HOXA3: variants seen among roughly 807,000 people sequenced by gnomAD.
The protein encoded by HOXA3 is homeobox protein Hox-A3.
Under a neutral mutation model 30.3 loss-of-function variants are expected in HOXA3, and 8 were observed. The observed-to-expected ratio is 0.26, with a 90% CI of 0.15 to 0.48. HOXA3 has a LOEUF of 0.48. Ranked by LOEUF, HOXA3 falls within the 20% of genes least tolerant of loss-of-function variation. The pLI is 0.99. For missense variants in HOXA3, 653 were observed against 614.4 expected (o/e 1.06, Z -0.66); for synonymous variants, 323 against 273.1 (o/e 1.18, Z -1.80).
chr7:27,146,000 C>A, intron 1 of HOXA3: 1 of 1,500,372 alleles, frequency 6.7e-7, no homozygotes, highest in Admixed American at 2.1e-5. Context: ...ACAAGAGGCA[C>A]CCAGACTAGA....
At position 27,108,032 on chromosome 7, in the gene HOXA3, G is replaced by A. The variant is rs565412992; in HGVS notation, c.1215C>T (p.Gly405=). 13 of 1,612,818 alleles carry A rather than the reference G, an allele frequency of 8.1e-6. No individual in the cohort carries two copies. The East Asian group carries it at 2.7e-4, about 33-fold the overall frequency. ...AMDYGGAGPL[G]SGHHHGPGPG... is the part of the protein sequence containing the mutation. Reference sequence around the variant, plus strand: ...GCCCCGGCCCGTGGTGGTGGCCGCTGCCCAGCGGCCCGGCACCCCCATAGT... The same window carrying A: ...GCCCCGGCCCGTGGTGGTGGCCGCTACCCAGCGGCCCGGCACCCCCATAGT... Residue 405 remains glycine (G), a synonymous_variant, in exon 6 of 6, where the codon GGC becomes GGT. Coordinates refer to ENST00000612286, the MANE Select transcript of HOXA3 (RefSeq NM_153631.3). The surrounding 1 kb of genome is among the most constrained non-coding windows in gnomAD (Gnocchi z 5.0).
chr7:27,145,714 GC>G, intron 1 of HOXA3: 1 of 1,614,220 alleles, frequency 6.2e-7, no homozygotes, highest in Admixed American at 1.7e-5. Context: ...GAATTGATGA[GC>G]TTGTTTTCCT....
chr7:27,142,237 C>CT (rs1346760392), intron 1 of HOXA3: 1 of 777,370 alleles, frequency 1.3e-6, no homozygotes, highest in Admixed American at 2.9e-5. Flanking sequence ...TTCCTTCTCT[C>CT]TTCCTTTCTA....
chr7:27,139,604 G>T (rs1264076276), intron 2 of HOXA3, among the ~76,000 whole-genome samples: 1 of 152,176 alleles, frequency 6.6e-6, no homozygotes, highest in Admixed American at 6.5e-5. Context: ...CCCTGCCCCG[G>T]CCTTTCTTTC....
intron 4 of HOXA3, among the ~76,000 whole-genome samples, chr7:27,114,912 G>A (rs1006586791): frequency 4.7e-5 from 5 of 107,144 alleles, no homozygotes; most frequent in Non-Finnish European, 9.9e-5. Context: ...TAGTGGGATG[G>A]AGTAACGCTG....
chr7:27,145,416 C>A (rs1007628772), intron 1 of HOXA3: 1 of 608,848 alleles, frequency 1.6e-6, no homozygotes, highest in Non-Finnish European at 2.8e-6. Context: ...CAGTGCGCCC[C>A]GCTCCACCGC....
At chr7:27,145,626 T>C (rs1301394163) in intron 1 of HOXA3, 1 of 1,597,234 alleles carries the variant, frequency 6.3e-7, no homozygotes, top group Non-Finnish European at 8.5e-7. Context: ...CCGAAGGAGG[T>C]TGCAGCGCTG....
chr7:27,129,165 G>T, intron 2 of HOXA3: 1 of 1,015,700 alleles, frequency 9.8e-7, no homozygotes, highest in Non-Finnish European at 1.6e-6. Context: ...GAGGAACGGA[G>T]CAGGAGAAGA....
At chr7:27,137,256 A>G (rs1785742580) in intron 2 of HOXA3, among the ~76,000 whole-genome samples, 1 of 152,222 alleles carries the variant, frequency 6.6e-6, no homozygotes, top group East Asian at 1.9e-4. Flanking sequence ...CAGGGGAAAG[A>G]GCAGGAGAAA....
intron 2 of HOXA3, among the ~76,000 whole-genome samples, chr7:27,138,351 T>G (rs1009377732): frequency 2.0e-5 from 3 of 152,278 alleles, no homozygotes; most frequent in Non-Finnish European, 4.4e-5. Context: ...GTTGGACTTA[T>G]GTTGAGTGTA....
At chr7:27,126,488 G>A (rs1785290292) in intron 3 of HOXA3, among the ~76,000 whole-genome samples, 1 of 152,004 alleles carries the variant, frequency 6.6e-6, no homozygotes, top group Non-Finnish European at 1.5e-5. Flanking sequence ...TCCTCTCGGT[G>A]AACTCTTATG....
At chr7:27,131,274 G>A (rs983619130) in intron 2 of HOXA3, among the ~76,000 whole-genome samples, 7 of 152,212 alleles carry the variant, frequency 4.6e-5, no homozygotes, top group African/African-American at 1.7e-4. Context: ...AAGGAAGGGC[G>A]TTGGGACCGA....
intron 3 of HOXA3, among the ~76,000 whole-genome samples, chr7:27,125,080 C>T (rs754654667): frequency 2.2e-4 from 33 of 152,252 alleles, no homozygotes; most frequent in Admixed American, 6.5e-4. Context: ...TGGCTGTACA[C>T]ACCTGTGACC....
At chr7:27,142,135 T>A in intron 1 of HOXA3, 4 of 1,584,458 alleles carry the variant, frequency 2.5e-6, no homozygotes, top group Non-Finnish European at 3.4e-6. Flanking sequence ...TCTTCCAAAG[T>A]CCGCCAGGGG....
At chr7:27,115,135 A>G (rs965718904) in intron 4 of HOXA3, among the ~76,000 whole-genome samples, 2 of 151,548 alleles carry the variant, frequency 1.3e-5, no homozygotes, top group South Asian at 2.1e-4. Flanking sequence ...TGTTAAAAAT[A>G]TAAGTAGTAT....
intron 1 of HOXA3, chr7:27,150,871 C>G (rs541949308): frequency 6.6e-6 from 1 of 152,316 alleles, no homozygotes; most frequent in South Asian, 2.1e-4. Flanking sequence ...CCCTTGCGTC[C>G]CCCTCTACCC....
intron 4 of HOXA3, among the ~76,000 whole-genome samples, chr7:27,120,569 T>C (rs1784957006): frequency 7.1e-6 from 1 of 141,110 alleles, no homozygotes; most frequent in South Asian, 2.2e-4. Context: ...CATAAATCAA[T>C]GAAATAAGTC....
chr7:27,107,140 A>T lies in HOXA3; in HGVS notation c.*775T>A, dbSNP rs1047111138. 1.3e-5 allele frequency: 2 copies of T among 152,416 alleles called. No individual in the cohort carries two copies. Among genetic ancestry groups the T allele is most frequent in the Admixed American group, 6.5e-5 (1 of 15,278 alleles). 9.4% of individuals were successfully genotyped at this position (152,416 alleles called of 1,614,324 possible). A position where few individuals can be genotyped will look rare whatever the true frequency, so the allele number is the denominator to read the frequency against. On this transcript the variant is annotated 3_prime_UTR_variant, in exon 6 of 6. Transcript: ENST00000612286. Reference sequence around the variant, plus strand: ...TTTTTTCAGTTTTGCCGGATGTTACAAACCTAAATCACTGTTTTCAAAAGC... The same window carrying T: ...TTTTTTCAGTTTTGCCGGATGTTACTAACCTAAATCACTGTTTTCAAAAGC...
chr7:27,147,254 T>C (rs775595249), intron 1 of HOXA3: 1 of 1,494,428 alleles, frequency 6.7e-7, no homozygotes, highest in African/African-American at 1.4e-5. Flanking sequence ...CCTTCTTTCT[T>C]TCTTTTCCTG....
Sources: gnomAD v4.1 joint callset for allele counts (sites outside exome capture counted in the v4.1 genomes callset) on GRCh38, gnomAD v4.1.1 for gene constraint, Gnocchi (gnomAD v3.1) non-coding constraint, MANE v1.5 for transcripts, NCBI Gene and HGNC (gene_info 2026-07-23, HGNC 2026-07-21) for gene names.